The following IER3IP1 variants were observed in gnomAD, a reference collection of about 807,000 sequenced individuals.
IER3IP1 encodes immediate early response 3-interacting protein 1.
IER3IP1 carries 16 observed loss-of-function variants against 12.2 expected under a neutral mutation model. The ratio of observed to expected loss-of-function variants is 1.31; its 90% CI spans 0.89 to 1.99. IER3IP1 has a LOEUF of 1.99. Among genes scored for constraint, IER3IP1 ranks in the 30% most tolerant of loss-of-function variants. The pLI is 0.00. For synonymous variants in IER3IP1, 42 were observed against 40.0 expected (o/e 1.05, Z -0.19); for missense variants, 95 against 95.8 (o/e 0.99, Z 0.03).
rs387907012 is a variant in IER3IP1, at chr18:47,156,193, A to G, written c.233T>C (p.Leu78Pro). The G allele has an allele frequency of 1.9e-6, 3 of 1,563,768 alleles. No homozygotes were observed. The highest frequency in any genetic ancestry group is 8.8e-7 in the Non-Finnish European group (1 of 1,134,564). The part of the protein sequence containing the change: ...IIVNSIAIVL[L>P]LLFG ...CACTGATATTCATCCAAATAATAAA[A>G]GTAACACAATTGCAATTGAGTTTAC... The change falls in exon 3 of 3, where the codon CTT becomes CCT. Residue 78 changes from leucine to proline, a missense_variant. By Grantham distance (98) the Leu-to-Pro change is moderately conservative. Coordinates refer to ENST00000256433, the MANE Select transcript of IER3IP1 (RefSeq NM_016097.5).
chr18:47,176,119 C>T (rs1275919231), intron 1 of IER3IP1, 68 bp downstream of exon 1: 3 of 1,290,288 alleles, frequency 2.3e-6, no homozygotes, highest in Non-Finnish European at 3.3e-6. Flanking sequence ...CCTCACGCGG[C>T]CCCATTAGGT....
chr18:47,157,132 C>CT lies in IER3IP1; in HGVS notation c.193+303dup, dbSNP rs572228105. 5.7e-5 allele frequency: 20 copies of CT among 350,262 alleles called. No homozygotes were observed. In the South Asian group the frequency reaches 6.4e-4, roughly 11 times the overall value. 21.7% of individuals were successfully genotyped at this position (350,262 alleles called of 1,614,324 possible). A position where few individuals can be genotyped will look rare whatever the true frequency, so the allele number is the denominator to read the frequency against. ...CCCAATACTGTATGTGATTTTACAA[C>CT]TTGGAAACAACAGTTTCCAAAAGGC... On this transcript the variant is annotated intron_variant, in intron 2 of 2. Coordinates refer to ENST00000256433, the MANE Select transcript of IER3IP1 (RefSeq NM_016097.5).
In IER3IP1 at chr18:47,171,798, G is replaced by C. The variant is rs189657588; in HGVS notation, c.91+4389C>G. Among the ~76,000 whole-genome samples, 434 of 151,770 alleles carry C rather than the reference G, an allele frequency of 2.9e-3. 4 individuals are homozygous for C. Among genetic ancestry groups the C allele is most frequent in the Middle Eastern group, 6.8e-3 (2 of 294 alleles). On this transcript the variant is annotated intron_variant, in intron 1 of 2. Coordinates refer to ENST00000256433, the MANE Select transcript of IER3IP1 (RefSeq NM_016097.5). ...TAGCAGACTGACATTTCTCTTTTTT[G>C]GTCTTTTTTTTTGAGACAGGGTCTC...
At chr18:47,174,770 C>G (rs2064026445) in intron 1 of IER3IP1, among the ~76,000 whole-genome samples, 1 of 152,046 alleles carries the variant, frequency 6.6e-6, no homozygotes, top group Non-Finnish European at 1.5e-5. Flanking sequence ...CAAATCTGGT[C>G]ATGTCGCTGT....
intron 1 of IER3IP1, 120 bp downstream of exon 1, chr18:47,176,067 G>A (rs563322455): frequency 8.2e-6 from 7 of 850,124 alleles, no homozygotes; most frequent in East Asian, 7.9e-5. Context: ...TCCACTCCAA[G>A]CCGAGCCTTC....
At chr18:47,159,880 A>G (rs1385221691) in intron 1 of IER3IP1, among the ~76,000 whole-genome samples, 1 of 152,146 alleles carries the variant, frequency 6.6e-6, no homozygotes, top group Non-Finnish European at 1.5e-5. Context: ...ATATACATCA[A>G]CATGAGCTTT....
At chr18:47,163,038 C>A (rs1016249958) in intron 1 of IER3IP1, among the ~76,000 whole-genome samples, 1 of 151,960 alleles carries the variant, frequency 6.6e-6, no homozygotes, top group Non-Finnish European at 1.5e-5. Flanking sequence ...GCATATACTC[C>A]AAGATCCCCA....
chr18:47,161,370 A>T (rs1033358239), intron 1 of IER3IP1, among the ~76,000 whole-genome samples: 3 of 152,276 alleles, frequency 2.0e-5, no homozygotes, highest in African/African-American at 7.2e-5. Context: ...TCCAGTCCAC[A>T]GGGGTTTCGT....
chr18:47,171,735 G>A (rs2064016089), intron 1 of IER3IP1, among the ~76,000 whole-genome samples: 1 of 152,068 alleles, frequency 6.6e-6, no homozygotes, highest in Non-Finnish European at 1.5e-5. Flanking sequence ...AGAGCAGGTT[G>A]TGGCTCAAAT....
Position 47,172,228 on chromosome 18 carries a change from AACCAC to A in IER3IP1, c.91+3954_91+3958del. On this transcript the variant is annotated intron_variant, in intron 1 of 2. Coordinates refer to ENST00000256433, the MANE Select transcript of IER3IP1 (RefSeq NM_016097.5). The surrounding 1 kb of genome is among the most constrained non-coding windows in gnomAD (Gnocchi z 4.0). ...GAGATACCTCAAGCTCTAAAAACAA[AACCAC>A]CACCATAAAACACACCCCCATATCC... is the stretch of plus-strand genomic sequence containing the variant. Among the ~76,000 whole-genome samples, 1 of 152,216 alleles carries A rather than the reference AACCAC, an allele frequency of 6.6e-6. No individual in the cohort carries two copies. Among genetic ancestry groups the A allele is most frequent in the Admixed American group, 6.5e-5 (1 of 15,300 alleles).
intron 2 of IER3IP1, chr18:47,157,174 C>T (rs1285999853): frequency 3.5e-5 from 16 of 453,190 alleles, no homozygotes; most frequent in Non-Finnish European, 3.9e-6. Context: ...ATAATTTTGT[C>T]TTTTAGCTCT....
At chr18:47,175,082 T>C (rs1317558337) in intron 1 of IER3IP1, among the ~76,000 whole-genome samples, 3 of 152,202 alleles carry the variant, frequency 2.0e-5, no homozygotes, top group African/African-American at 4.8e-5. Context: ...TTACTATAAA[T>C]GGGCCTGGCA....
rs1201466815 is a variant in IER3IP1, at chr18:47,155,083, A to G, written c.*1094T>C. The G allele has an allele frequency of 6.6e-6, 1 of 152,218 alleles. No individual in the cohort carries two copies. Among genetic ancestry groups the G allele is most frequent in the Non-Finnish European group, 1.5e-5 (1 of 68,028 alleles). The allele number at this position is 152,218 out of a possible 1,614,324, so 9.4% of individuals were successfully genotyped here. A position where few individuals can be genotyped will look rare whatever the true frequency, so the allele number is the denominator to read the frequency against. On this transcript the variant is annotated 3_prime_UTR_variant, in exon 3 of 3. Coordinates refer to ENST00000256433, the MANE Select transcript of IER3IP1 (RefSeq NM_016097.5). ...ACTTTATTTACAAATGTTCTCCTAT[A>G]AACAAAGATGCCATTCTACACCTTT...
intron 2 of IER3IP1, chr18:47,157,150 C>A: frequency 2.6e-6 from 1 of 382,624 alleles, no homozygotes; most frequent in South Asian, 3.3e-5. Context: ...CAACAGTTTC[C>A]AAAAGGCAAG....
At chr18:47,164,771 C>A (rs1036815503) in intron 1 of IER3IP1, among the ~76,000 whole-genome samples, 2 of 146,396 alleles carry the variant, frequency 1.4e-5, no homozygotes, top group Non-Finnish European at 3.0e-5. Context: ...GCCAGAGACC[C>A]TCTTTCCAAA....
Position 47,153,463 on chromosome 18 carries a change from G to A in IER3IP1, c.*2714C>T, listed in dbSNP as rs919053125. The A allele has an allele frequency of 2.1e-5, 3 of 143,192 alleles. No individual in the cohort carries two copies. The highest frequency in any genetic ancestry group is 1.4e-4 in the Admixed American group (2 of 13,848). 8.9% of individuals were successfully genotyped at this position (143,192 alleles called of 1,614,324 possible). A position where few individuals can be genotyped will look rare whatever the true frequency, so the allele number is the denominator to read the frequency against. ...GTACATTTGTTAAATAGGTAAACTT[G>A]TGTCACGGGGGTTTGGCACAGATTA... On this transcript the variant is annotated 3_prime_UTR_variant, in exon 3 of 3. Coordinates refer to ENST00000256433, the MANE Select transcript of IER3IP1 (RefSeq NM_016097.5).
chr18:47,168,142 A>T (rs1428382756), intron 1 of IER3IP1, among the ~76,000 whole-genome samples: 1 of 142,792 alleles, frequency 7.0e-6, no homozygotes, highest in African/African-American at 2.7e-5. Flanking sequence ...AAAAAAAAAA[A>T]AAAAAAAAAA....
rs145577681 is a variant in IER3IP1, at chr18:47,160,195, CA to C, written c.92-2659del. Among the ~76,000 whole-genome samples, 1,130 of 137,054 alleles carry C rather than the reference CA, an allele frequency of 8.2e-3. 4 individuals are homozygous for C. The highest frequency in any genetic ancestry group is 0.023 in the African/African-American group (856 of 37,068). The allele number at this position is 137,054 out of a possible 152,430, so 89.9% of individuals were successfully genotyped here. ...GGGCAACAAGAGCAAAACTCCGTCT[CA>C]AAAAAAAAAAAAAGTTCCCATCCTC... is the stretch of plus-strand genomic sequence containing the variant. On this transcript the variant is annotated intron_variant, in intron 1 of 2. Coordinates refer to ENST00000256433, the MANE Select transcript of IER3IP1 (RefSeq NM_016097.5).
At chr18:47,165,685 A>G (rs2063994057) in intron 1 of IER3IP1, among the ~76,000 whole-genome samples, 1 of 152,222 alleles carries the variant, frequency 6.6e-6, no homozygotes, top group Admixed American at 6.5e-5. Flanking sequence ...TAGCTCACTC[A>G]CTATTTTAAA....
Sources: allele counts gnomAD v4.1 joint callset (sites outside exome capture counted in the v4.1 genomes callset), GRCh38; gene constraint gnomAD v4.1.1; non-coding constraint Gnocchi (gnomAD v3.1); transcripts MANE v1.5; gene names NCBI Gene and HGNC (gene_info 2026-07-23, HGNC 2026-07-21).